Variants in CAPRIN2 observed in about 807,000 individuals in gnomAD.
CAPRIN2 encodes the protein caprin-2.
Under a neutral mutation model 130.4 loss-of-function variants are expected in CAPRIN2, and 66 were observed. The ratio of observed to expected loss-of-function variants is 0.51; its 90% confidence interval spans 0.42 to 0.62. CAPRIN2 has a LOEUF of 0.62. CAPRIN2 is among the 20% of genes least tolerant of loss of function. The probability of loss-of-function intolerance (pLI) is 0.00; values close to 1 mark genes in which losing one functional copy is unlikely to be tolerated. For synonymous variants in CAPRIN2, 471 were observed against 444.1 expected, an observed-to-expected ratio of 1.06 and a Z score of -0.76; for missense variants, 1,185 against 1,246.6, an observed-to-expected ratio of 0.95 and a Z score of 0.74.
chr12:30,729,664 T>C (rs543160701), intron 7 of CAPRIN2, among the ~76,000 whole-genome samples: 7 of 152,338 alleles, frequency 4.6e-5, no homozygotes, highest in African/African-American at 1.4e-4. Flanking sequence ...TCTCCCCAGT[T>C]GACTCCCTCA....
intron 4 of CAPRIN2, among the ~76,000 whole-genome samples, chr12:30,734,578 T>G (rs2063818339): frequency 1.3e-5 from 2 of 152,206 alleles, no homozygotes; most frequent in Admixed American, 6.5e-5. Flanking sequence ...TTACCTCTAC[T>G]TAAGTATAGC....
rs1455389279 is a variant in CAPRIN2, at chr12:30,710,289, G to T, written c.2847C>A (p.Ala949=). The T allele has an allele frequency of 1.2e-6, 2 of 1,614,066 alleles. No homozygotes were observed. The highest frequency in any genetic ancestry group is 1.7e-6 in the Non-Finnish European group (2 of 1,180,052). The change falls in exon 17 of 17, where the codon GCC becomes GCA. Residue 949 remains alanine (A), a synonymous_variant. Coordinates refer to ENST00000298892, the Ensembl canonical transcript of CAPRIN2. The surrounding 1 kb of genome is among the most constrained non-coding windows in gnomAD (Gnocchi z 4.8). ...GATTAGAGGTTCTGGCTGCTGAGAA[G>T]GCAACTCGCATCTGCTGAGGCAGAG...
At position 30,728,550 on chromosome 12, in the gene CAPRIN2, A is replaced by G. The variant is rs1032700323; in HGVS notation, c.1782+98T>C. 2.7e-5 allele frequency: 24 copies of G among 881,596 alleles called. No homozygotes were observed. In the African/African-American group the frequency reaches 6.0e-4, roughly 22 times the overall value. 54.6% of individuals were successfully genotyped at this position (881,596 alleles called of 1,614,324 possible). A position where few individuals can be genotyped will look rare whatever the true frequency, so the allele number is the denominator to read the frequency against. ...AGCCTGGGTAACAGAGTGTTTCTCC[A>G]TCTCAAAAAAAAAAAAAAAAGAGAA... On this transcript the variant is annotated intron_variant, in intron 8 of 16. Coordinates refer to ENST00000298892, the Ensembl canonical transcript of CAPRIN2.
intron 15 of CAPRIN2, 56 bp from the exon 18 acceptor site, chr12:30,711,685 T>A: frequency 1.4e-6 from 2 of 1,406,346 alleles, no homozygotes; most frequent in East Asian, 4.6e-5. Flanking sequence ...CTATAATTGG[T>A]TATTACACAG....
chr12:30,727,841 C>T (rs1244578354), intron 8 of CAPRIN2, among the ~76,000 whole-genome samples: 1 of 152,176 alleles, frequency 6.6e-6, no homozygotes, highest in Non-Finnish European at 1.5e-5. Flanking sequence ...TCCCCCAATA[C>T]TGAAATATCT....
At chr12:30,725,020 A>G (rs1214824584) in intron 9 of CAPRIN2, among the ~76,000 whole-genome samples, 1 of 152,142 alleles carries the variant, frequency 6.6e-6, no homozygotes, top group African/African-American at 2.4e-5. Context: ...AAAAGCCTAC[A>G]ATACTAAATC....
At chr12:30,750,932 T>C in intron 2 of CAPRIN2, 139 bp downstream of exon 3, 2 of 672,596 alleles carry the variant, frequency 3.0e-6, no homozygotes, top group African/African-American at 1.8e-5. Context: ...AACAACAAAG[T>C]CTTCTGAAAC....
chr12:30,730,151 G>T, intron 7 of CAPRIN2, 88 bp downstream of exon 8: 2 of 1,082,264 alleles, frequency 1.8e-6, no homozygotes, highest in Non-Finnish European at 2.8e-6. Flanking sequence ...AGCTCAGGCA[G>T]TCTGGCTCCA....
intron 14 of CAPRIN2, 152 bp downstream of exon 16, chr12:30,714,807 G>A (rs964213032): frequency 1.6e-5 from 9 of 546,860 alleles, no homozygotes; most frequent in Non-Finnish European, 2.9e-5. Context: ...ATGGAGAATA[G>A]GTATATTAAA....
At chr12:30,724,343 C>T (rs781358350) in intron 10 of CAPRIN2, 27 bp downstream of exon 11, 18 of 1,440,660 alleles carry the variant, frequency 1.2e-5, no homozygotes, top group African/African-American at 2.8e-5. Context: ...AAGACGTTTG[C>T]TCCAAGTCTT....
At position 30,710,316 on chromosome 12, in the gene CAPRIN2, G is replaced by T; in HGVS notation, c.2820C>A (p.Tyr940Ter). The T allele has an allele frequency of 6.2e-7, 1 of 1,614,204 alleles. No individual in the cohort carries two copies. Among genetic ancestry groups the T allele is most frequent in the South Asian group, 1.1e-5 (1 of 91,090 alleles). The change falls in exon 17 of 17, where the codon TAC becomes TAA. Residue 940 changes from tyrosine (Y) to a stop codon, truncating the protein, a stop_gained. Coordinates refer to ENST00000298892, the Ensembl canonical transcript of CAPRIN2. LOFTEE classifies it high-confidence loss of function. The surrounding 1 kb of genome is among the most constrained non-coding windows in gnomAD (Gnocchi z 4.8). The stretch of plus-strand genomic sequence containing the variant: ...CAACTCGCATCTGCTGAGGCAGAGG[G>T]TAGACGTGTACTGGCAGTATGGTGG...
rs1387945277 is a variant in CAPRIN2 at position 30,710,647 on chromosome 12, T to C, written c.2666-177A>G. On this transcript the variant is annotated intron_variant, in intron 16 of 16. Transcript: ENST00000298892. This position sits in a 1 kb window ranked among gnomAD's most constrained non-coding sequence, Gnocchi z 4.8. ...ATTTTTCTGGTAATAGGTTTTTACA[T>C]ACTCTTCTAAAGCCAGAAAGGTCCA... 3.2e-6 allele frequency: 3 copies of C among 939,048 alleles called. No individual in the cohort carries two copies. Among genetic ancestry groups the C allele is most frequent in the Non-Finnish European group, 4.6e-6 (3 of 648,996 alleles). The allele number at this position is 939,048 out of a possible 1,614,324, so 58.2% of individuals were successfully genotyped here.
At chr12:30,732,343 G>T (rs888105346) in intron 5 of CAPRIN2, among the ~76,000 whole-genome samples, 5 of 151,814 alleles carry the variant, frequency 3.3e-5, no homozygotes, top group African/African-American at 7.3e-5. Flanking sequence ...CTATGACATA[G>T]ATTTTGAGTC....
chr12:30,716,263 T>C (rs548594830), intron 13 of CAPRIN2: 35 of 393,300 alleles, frequency 8.9e-5, no homozygotes, highest in Non-Finnish European at 1.5e-4. Context: ...GATTTAAAAA[T>C]ACAAACCTAC....
chr12:30,721,228 T>C (rs925184940), intron 11 of CAPRIN2, among the ~76,000 whole-genome samples: 1 of 152,206 alleles, frequency 6.6e-6, no homozygotes, highest in Non-Finnish European at 1.5e-5. Flanking sequence ...TGTCCAGGCC[T>C]GGTCACCAAA....
chr12:30,741,025 G>T, exon 3 of CAPRIN2: 1 of 1,602,868 alleles, frequency 6.2e-7, no homozygotes, highest in Non-Finnish European at 8.5e-7. Flanking sequence ...CTCACATCTA[G>T]GCTCAACCCA....
intron 1 of CAPRIN2, among the ~76,000 whole-genome samples, chr12:30,751,909 A>ATTT (rs574883707): frequency 8.0e-5 from 7 of 87,870 alleles, no homozygotes; most frequent in Non-Finnish European, 1.2e-4. Flanking sequence ...CCACTATGGT[A>ATTT]TTTTTTTTTT....
intron 13 of CAPRIN2, 34 bp from the exon 16 acceptor site, chr12:30,715,175 T>C: frequency 6.3e-7 from 1 of 1,576,088 alleles, no homozygotes; most frequent in Non-Finnish European, 8.7e-7. Context: ...GGTCCAAGAG[T>C]TAAATGGTAA....
At chr12:30,751,189 A>G (rs1023530973) in intron 1 of CAPRIN2, 56 bp from the exon 3 acceptor site, 1 of 1,346,976 alleles carries the variant, frequency 7.4e-7, no homozygotes, top group African/African-American at 1.4e-5. Flanking sequence ...AGAAGCAAAT[A>G]AAGTAAATGC....
Sources: gnomAD v4.1 joint callset for allele counts (sites outside exome capture counted in the v4.1 genomes callset) on GRCh38, gnomAD v4.1.1 for gene constraint, Gnocchi (gnomAD v3.1) non-coding constraint, MANE v1.5 for transcripts, NCBI Gene and HGNC (gene_info 2026-07-23, HGNC 2026-07-21) for gene names.